The following LUM variants were observed in gnomAD, a reference collection of about 807,000 sequenced individuals.
The protein encoded by LUM is lumican.
Under a neutral mutation model 20.5 loss-of-function variants are expected in LUM, and 13 were observed. That is an observed-to-expected ratio of 0.63 (90% CI 0.41 to 1.01). The LOEUF (loss-of-function observed/expected upper bound fraction) is 1.01. LUM is among the 50% of genes least tolerant of loss of function. The pLI is 0.00. For synonymous variants in LUM, 173 were observed against 151.5 expected (o/e 1.14, Z -1.04); for missense variants, 321 against 391.1 (o/e 0.82, Z 1.51).
At chr12:91,107,317 GAAAGAAAGAAAGAA>G in intron 2 of LUM, among the ~76,000 whole-genome samples, 2 of 117,132 alleles carry the variant, frequency 1.7e-5, no homozygotes. Context: ...AAGAAAGAAA[GAAAGAAAGAAAGAA>G]AGAAAGAAAG....
intron 2 of LUM, among the ~76,000 whole-genome samples, chr12:91,106,279 G>A (rs780851989): frequency 2.0e-5 from 3 of 152,062 alleles, no homozygotes; most frequent in Non-Finnish European, 2.9e-5. Flanking sequence ...TATTCAGCAT[G>A]GCCAGAAAAC....
chr12:91,107,156 A>G (rs1201661984), intron 2 of LUM, among the ~76,000 whole-genome samples: 1 of 144,850 alleles, frequency 6.9e-6, no homozygotes, highest in Non-Finnish European at 1.5e-5. Flanking sequence ...AAAAAAAAAG[A>G]AAGAAAGAAA....
chr12:91,107,006 T>A (rs1880049188), intron 2 of LUM, among the ~76,000 whole-genome samples: 1 of 151,476 alleles, frequency 6.6e-6, no homozygotes, highest in Non-Finnish European at 1.5e-5. Flanking sequence ...ACCCCATCTC[T>A]ACTAAAAACA....
chr12:91,102,849 T>C lies in LUM; in HGVS notation c.*1316A>G, dbSNP rs1879938840. The C allele has an allele frequency of 6.6e-6, 1 of 152,066 alleles. No homozygotes were observed. The highest frequency in any genetic ancestry group is 1.5e-5 in the Non-Finnish European group (1 of 67,972). 9.4% of individuals were successfully genotyped at this position (152,066 alleles called of 1,614,324 possible). A position where few individuals can be genotyped will look rare whatever the true frequency, so the allele number is the denominator to read the frequency against. On this transcript the variant is annotated 3_prime_UTR_variant, in exon 3 of 3. Coordinates refer to ENST00000266718, the MANE Select transcript of LUM (RefSeq NM_002345.4). ...GATGAAAGGCCGCTGTACCATAAGA[T>C]AGAGTTCACTAAAAGTGGTGTGTTA...
intron 1 of LUM, 28 bp from the exon 2 acceptor site, chr12:91,109,028 TA>T (rs773943638): frequency 2.9e-4 from 405 of 1,391,230 alleles, no homozygotes; most frequent in Non-Finnish European, 3.2e-4. Flanking sequence ...ATTTATTAAT[TA>T]AAAAAATATA....
intron 2 of LUM, among the ~76,000 whole-genome samples, chr12:91,107,272 A>AAAG (rs1880081568): frequency 1.3e-5 from 1 of 77,948 alleles, no homozygotes; most frequent in African/African-American, 5.8e-5. Flanking sequence ...AGAAAGAAAG[A>AAAG]AAGAAAGAAA....
chr12:91,104,010 C>T lies in LUM; in HGVS notation c.*155G>A, dbSNP rs1407969915. On this transcript the variant is annotated 3_prime_UTR_variant, in exon 3 of 3. Coordinates refer to ENST00000266718, the MANE Select transcript of LUM (RefSeq NM_002345.4). ...TGTTCTTGTGATGAAATAGGCCTGC[C>T]TTTCATCTTTTCTTTAAAAAAAATA... is the stretch of plus-strand genomic sequence containing the variant. 1.6e-6 allele frequency: 1 copy of T among 608,188 alleles called. No individual in the cohort carries two copies. 37.7% of individuals were successfully genotyped at this position (608,188 alleles called of 1,614,324 possible).
intron 2 of LUM, among the ~76,000 whole-genome samples, chr12:91,105,695 T>C (rs2121042181): frequency 6.6e-6 from 1 of 152,312 alleles, no homozygotes; most frequent in African/African-American, 2.4e-5. Flanking sequence ...TGTTACCTTT[T>C]CAAATGACCA....
At chr12:91,105,302 C>G (rs547644130) in intron 2 of LUM, among the ~76,000 whole-genome samples, 1 of 152,284 alleles carries the variant, frequency 6.6e-6, no homozygotes, top group South Asian at 2.1e-4. Flanking sequence ...AGAAATAACA[C>G]ATCTATCTTA....
chr12:91,107,983 A>AT, intron 2 of LUM, 135 bp downstream of exon 2: 1 of 1,020,518 alleles, frequency 9.8e-7, no homozygotes, highest in Non-Finnish European at 1.5e-6. Flanking sequence ...AAAATGCTGG[A>AT]TTTACAGGAA....
intron 2 of LUM, among the ~76,000 whole-genome samples, chr12:91,104,837 T>C (rs959323777): frequency 3.3e-5 from 5 of 152,106 alleles, no homozygotes; most frequent in Admixed American, 6.6e-5. Context: ...TCACACACCA[T>C]AGCAATGATC....
intron 2 of LUM, among the ~76,000 whole-genome samples, chr12:91,107,711 T>A (rs1880112790): frequency 6.7e-6 from 1 of 150,190 alleles, no homozygotes; most frequent in African/African-American, 2.4e-5. Flanking sequence ...GAGGGATATT[T>A]TGTGGACATT....
intron 1 of LUM, among the ~76,000 whole-genome samples, 197 bp from the exon 2 acceptor site, chr12:91,109,197 A>C (rs532863277): frequency 2.6e-4 from 39 of 152,304 alleles, no homozygotes; most frequent in Middle Eastern, 3.4e-3. Flanking sequence ...TGTAGTGAGC[A>C]GCTTTCAGGT....
chr12:91,106,202 A>G (rs527830295), intron 2 of LUM, among the ~76,000 whole-genome samples: 1 of 152,318 alleles, frequency 6.6e-6, no homozygotes, highest in East Asian at 1.9e-4. Flanking sequence ...GGTTATATGA[A>G]ACTGGCAGAA....
At chr12:91,105,903 T>TCCGTCA (rs1385991811) in intron 2 of LUM, among the ~76,000 whole-genome samples, 1 of 152,218 alleles carries the variant, frequency 6.6e-6, no homozygotes, top group African/African-American at 2.4e-5. Flanking sequence ...TCTAATGTAC[T>TCCGTCA]CCGTCATCCC....
chr12:91,106,609 G>A (rs1470590124), intron 2 of LUM, among the ~76,000 whole-genome samples: 7 of 129,468 alleles, frequency 5.4e-5, no homozygotes, highest in African/African-American at 2.0e-4. Flanking sequence ...AAAGAGAGGA[G>A]AAAGAGAAAG....
chr12:91,107,615 C>A (rs1442916238), intron 2 of LUM, among the ~76,000 whole-genome samples: 3 of 152,076 alleles, frequency 2.0e-5, no homozygotes, highest in Non-Finnish European at 2.9e-5. Context: ...AATTCTGTGA[C>A]CTTAATTGTT....
rs1376958302 is a variant in LUM, at chr12:91,108,409, A to G, written c.571T>C (p.Leu191=). ...KGLKSLEYLD[L]SFNQIARLPS... ...AGTCTGGCTATCTGATTGAAGCTCAAGTCAAGGTATTCGAGTGATTTAAGA... is the reference window on the plus strand; with the variant it reads ...AGTCTGGCTATCTGATTGAAGCTCAGGTCAAGGTATTCGAGTGATTTAAGA... Residue 191 remains leucine (L), a synonymous_variant, in exon 2 of 3, where the codon TTG becomes CTG. Transcript: ENST00000266718. The surrounding 1 kb of genome is among the most constrained non-coding windows in gnomAD (Gnocchi z 4.2). 4 of 1,614,058 alleles carry G rather than the reference A, an allele frequency of 2.5e-6. No homozygotes were observed. The highest frequency in any genetic ancestry group is 3.4e-6 in the Non-Finnish European group (4 of 1,180,014).
chr12:91,106,923 G>A (rs1880047329), intron 2 of LUM, among the ~76,000 whole-genome samples: 1 of 151,826 alleles, frequency 6.6e-6, no homozygotes, highest in African/African-American at 2.4e-5. Context: ...TGTAATCCCA[G>A]TACTTTGGGA....
Sources: gnomAD v4.1 joint callset for allele counts (sites outside exome capture counted in the v4.1 genomes callset) on GRCh38, gnomAD v4.1.1 for gene constraint, Gnocchi (gnomAD v3.1) non-coding constraint, MANE v1.5 for transcripts, NCBI Gene and HGNC (gene_info 2026-07-23, HGNC 2026-07-21) for gene names.